Variants in TYR observed in about 807,000 individuals in gnomAD.
TYR encodes LB24-AB.
In TYR, 58 loss-of-function variants were observed where a neutral mutation model predicts 51.5. The ratio of observed to expected loss-of-function variants is 1.13; its 90% CI spans 0.91 to 1.40. The LOEUF is 1.40. Among genes scored for constraint, TYR ranks in the 40% most tolerant of loss-of-function variants. The pLI, the probability that TYR is intolerant of heterozygous loss-of-function variation, is 0.00. For missense variants in TYR, 732 were observed against 647.4 expected, an observed-to-expected ratio of 1.13 and a Z score of -1.42; for synonymous variants, 263 against 235.2, an observed-to-expected ratio of 1.12 and a Z score of -1.08.
intron 3 of TYR, among the ~76,000 whole-genome samples, chr11:89,246,640 T>C (rs1275613757): frequency 6.6e-6 from 1 of 152,142 alleles, no homozygotes; most frequent in Non-Finnish European, 1.5e-5. Context: ...TTACATCTTC[T>C]GGAGTGACAT....
At chr11:89,265,116 A>G (rs151042806) in intron 3 of TYR, among the ~76,000 whole-genome samples, 1,780 of 152,160 alleles carry the variant, frequency 0.012, 34 homozygotes, top group African/African-American at 0.041. Flanking sequence ...AGATTCTCAA[A>G]TGTTTTGGGC....
chr11:89,249,950 T>C (rs1273282582), intron 3 of TYR, among the ~76,000 whole-genome samples: 2 of 151,944 alleles, frequency 1.3e-5, no homozygotes, highest in Non-Finnish European at 1.5e-5. Context: ...AGATAGAGTA[T>C]AGATGCATGT....
At chr11:89,227,743 T>C in intron 2 of TYR, 80 bp from the exon 3 acceptor site, 1 of 1,251,144 alleles carries the variant, frequency 8.0e-7, no homozygotes, top group Non-Finnish European at 1.1e-6. Flanking sequence ...CAAGTTATAG[T>C]TATAAATCAA....
chr11:89,274,821 A>G (rs1198851985), intron 3 of TYR, among the ~76,000 whole-genome samples: 2 of 151,768 alleles, frequency 1.3e-5, no homozygotes, highest in Non-Finnish European at 2.9e-5. Context: ...TCCTACGTTC[A>G]TAACAAGATA....
chr11:89,178,282 C>A lies in TYR; in HGVS notation c.329C>A (p.Pro110Gln). The A allele has an allele frequency of 4.3e-6, 7 of 1,614,126 alleles. No individual in the cohort carries two copies. The highest frequency in any genetic ancestry group is 5.9e-6 in the Non-Finnish European group (7 of 1,180,034). ...CGNCKFGFWG[P>Q]NCTERRLLVR... ...AACTGCAAGTTTGGCTTTTGGGGAC[C>A]AAACTGCACAGAGAGACGACTCTTG... Residue 110 changes from proline to glutamine, a missense_variant, in exon 1 of 5, where the codon CCA (proline) becomes CAA (glutamine). Transcript: ENST00000263321.
intron 3 of TYR, among the ~76,000 whole-genome samples, chr11:89,245,726 T>C (rs985800661): frequency 2.6e-5 from 4 of 151,932 alleles, no homozygotes; most frequent in Non-Finnish European, 5.9e-5. Flanking sequence ...ATCAAGACCA[T>C]CCTGGCTAAC....
chr11:89,220,613 C>T (rs2135276438), intron 2 of TYR, among the ~76,000 whole-genome samples: 2 of 152,084 alleles, frequency 1.3e-5, no homozygotes, highest in South Asian at 2.1e-4. Flanking sequence ...CGAAGATAGC[C>T]GGGCGTGGCG....
intron 3 of TYR, among the ~76,000 whole-genome samples, chr11:89,258,004 C>T (rs1356490212): frequency 6.6e-6 from 1 of 151,984 alleles, no homozygotes; most frequent in African/African-American, 2.4e-5. Flanking sequence ...TCATGTTCTT[C>T]ATAAAACTTA....
chr11:89,227,486 G>A (rs1395758838), intron 2 of TYR, among the ~76,000 whole-genome samples: 1 of 152,158 alleles, frequency 6.6e-6, no homozygotes, highest in East Asian at 1.9e-4. Context: ...TGAAGTGAAA[G>A]TGACTGCTGG....
chr11:89,196,762 T>A (rs1262037115), intron 2 of TYR, among the ~76,000 whole-genome samples: 1 of 152,138 alleles, frequency 6.6e-6, no homozygotes, highest in Admixed American at 6.6e-5. Flanking sequence ...AAGATGCCCA[T>A]TGGGATAACA....
At chr11:89,294,865 GA>G (rs2135332292) in intron 4 of TYR, among the ~76,000 whole-genome samples, 1 of 152,294 alleles carries the variant, frequency 6.6e-6, no homozygotes, top group South Asian at 2.1e-4. Flanking sequence ...ACATTTAATT[GA>G]GTACACACTA....
At chr11:89,264,172 T>C (rs184910336) in intron 3 of TYR, among the ~76,000 whole-genome samples, 107 of 152,156 alleles carry the variant, frequency 7.0e-4, no homozygotes, top group African/African-American at 2.5e-3. Flanking sequence ...CCACTGCCAA[T>C]CCAGAGGTGG....
At chr11:89,228,370 A>G (rs1393324086) in intron 3 of TYR, among the ~76,000 whole-genome samples, 1 of 152,128 alleles carries the variant, frequency 6.6e-6, no homozygotes, top group Non-Finnish European at 1.5e-5. Context: ...GAGGTAGGGG[A>G]TGTAAAACTC....
chr11:89,218,321 G>C (rs1427340434), intron 2 of TYR, among the ~76,000 whole-genome samples: 2 of 152,118 alleles, frequency 1.3e-5, no homozygotes, highest in East Asian at 3.9e-4. Flanking sequence ...AACATTTATA[G>C]ATACTTTGCA....
At chr11:89,241,600 G>A (rs530955893) in intron 3 of TYR, among the ~76,000 whole-genome samples, 1 of 151,608 alleles carries the variant, frequency 6.6e-6, no homozygotes, top group Non-Finnish European at 1.5e-5. Context: ...CTAGGCAATA[G>A]GTTATAGCAG....
chr11:89,196,804 C>G (rs1480506774), intron 2 of TYR, among the ~76,000 whole-genome samples: 1 of 152,084 alleles, frequency 6.6e-6, no homozygotes, highest in Non-Finnish European at 1.5e-5. Flanking sequence ...GAAAACCTAC[C>G]CCACAAGGGA....
chr11:89,229,247 C>A (rs1332575441), intron 3 of TYR, among the ~76,000 whole-genome samples: 1 of 151,958 alleles, frequency 6.6e-6, no homozygotes, highest in Admixed American at 6.6e-5. Context: ...AAGTAACAGT[C>A]TGTGTTAAGT....
At chr11:89,282,425 A>T (rs1331611980) in intron 3 of TYR, among the ~76,000 whole-genome samples, 2 of 151,840 alleles carry the variant, frequency 1.3e-5, no homozygotes, top group Non-Finnish European at 2.9e-5. Context: ...ACTAAAAATT[A>T]TCTATAATGT....
intron 3 of TYR, among the ~76,000 whole-genome samples, chr11:89,253,370 C>T (rs1038173500): frequency 6.6e-6 from 1 of 151,636 alleles, no homozygotes; most frequent in Non-Finnish European, 1.5e-5. Flanking sequence ...AGGTAACACA[C>T]AGCCCTGCCA....
Sources: gnomAD v4.1 joint callset for allele counts (sites outside exome capture counted in the v4.1 genomes callset) on GRCh38, gnomAD v4.1.1 for gene constraint, MANE v1.5 for transcripts, NCBI Gene and HGNC (gene_info 2026-07-23, HGNC 2026-07-21) for gene names.